The following PDZD9 variants were observed in gnomAD, a reference collection of about 807,000 sequenced individuals.
The protein encoded by PDZD9 is PDZ domain containing 9.
A neutral mutation model predicts 16.3 loss-of-function variants in PDZD9; 13 were observed. The observed-to-expected ratio is 0.80, with a 90% CI of 0.52 to 1.27. PDZD9 has a LOEUF of 1.27. PDZD9 is among the 50% of genes most tolerant of loss of function. The pLI is 0.00. For missense variants in PDZD9, 288 were observed against 310.9 expected (o/e 0.93, Z 0.55); for synonymous variants, 120 against 111.0 (o/e 1.08, Z -0.51).
the PDZD9 span, chr16:21,962,488 T>C: frequency 3.4e-5 from 55 of 1,614,068 alleles, no homozygotes; most frequent in Admixed American, 7.0e-4. Context: ...AAACATGGCT[T>C]ATACTGTGGA....
At chr16:21,964,724 T>C in the PDZD9 span, among the ~76,000 whole-genome samples, 4 of 152,240 alleles carry the variant, frequency 2.6e-5, no homozygotes, top group African/African-American at 9.6e-5. Flanking sequence ...TACTGCACTT[T>C]TGACACACTG....
At chr16:21,965,069 A>T in the PDZD9 span, among the ~76,000 whole-genome samples, 2 of 152,126 alleles carry the variant, frequency 1.3e-5, no homozygotes, top group Non-Finnish European at 2.9e-5. Context: ...TCACATGGCA[A>T]GATGGCGGCA....
chr16:21,961,626 TTATATATATA>T, the PDZD9 span, among the ~76,000 whole-genome samples: 1,310 of 64,414 alleles, frequency 0.02, 53 homozygotes, highest in South Asian at 0.031. Flanking sequence ...AACATAAAAT[TTATATATATA>T]TATATATATA....
At chr16:21,991,949 G>GT (rs1297403260) in intron 2 of PDZD9, among the ~76,000 whole-genome samples, 3 of 152,156 alleles carry the variant, frequency 2.0e-5, no homozygotes, top group Non-Finnish European at 4.4e-5. Flanking sequence ...GCACACATCG[G>GT]TTCAAATCCC....
chr16:21,969,874 GT>G, the PDZD9 span, among the ~76,000 whole-genome samples: 12 of 143,646 alleles, frequency 8.4e-5, no homozygotes, highest in Admixed American at 7.0e-5. Context: ...CTTTGTTTTT[GT>G]TTTTTTTTTT....
intron 1 of PDZD9, among the ~76,000 whole-genome samples, chr16:21,998,129 C>T (rs573354038): frequency 1.3e-5 from 2 of 152,194 alleles, no homozygotes; most frequent in Admixed American, 6.5e-5. Flanking sequence ...GGGCAGGATA[C>T]GCCCTGCCTG....
At chr16:21,979,863 T>C (rs1445151783), downstream of PDZD9, among the ~76,000 whole-genome samples, 1 of 152,222 alleles carries the variant, frequency 6.6e-6, no homozygotes, top group African/African-American at 2.4e-5. Context: ...TGGTCCATCA[T>C]TGACCAAAAA....
At chr16:21,971,867 A>G in the PDZD9 span, 4 of 1,605,982 alleles carry the variant, frequency 2.5e-6, no homozygotes, top group African/African-American at 5.3e-5. Context: ...CTGGAGAATG[A>G]AACCAATGGT....
At chr16:21,964,617 T>G in the PDZD9 span, among the ~76,000 whole-genome samples, 1 of 152,140 alleles carries the variant, frequency 6.6e-6, no homozygotes, top group African/African-American at 2.4e-5. Context: ...TCCCAAATGA[T>G]TTCCCCTGGG....
the PDZD9 span, chr16:21,968,595 A>G: frequency 7.0e-6 from 11 of 1,566,340 alleles, no homozygotes; most frequent in South Asian, 8.2e-5. Flanking sequence ...ATTTATGCTA[A>G]TATAACCTAA....
the PDZD9 span, among the ~76,000 whole-genome samples, chr16:21,964,637 C>T: frequency 3.3e-5 from 5 of 152,196 alleles, no homozygotes; most frequent in African/African-American, 1.2e-4. Context: ...GAAACACCAG[C>T]TCATTCTGTA....
the PDZD9 span, chr16:21,974,073 A>C: frequency 9.1e-7 from 1 of 1,104,480 alleles, no homozygotes; most frequent in Admixed American, 2.3e-5. Context: ...GTTTGAATGC[A>C]GTGCAATGAC....
chr16:21,991,922 AGGTATGG>A, intron 2 of PDZD9, among the ~76,000 whole-genome samples: 1 of 152,334 alleles, frequency 6.6e-6, no homozygotes, highest in East Asian at 1.9e-4. Flanking sequence ...TTGACTAGAA[AGGTATGG>A]GCTTTCTAGG....
the PDZD9 span, chr16:21,961,336 G>C: frequency 9.8e-5 from 44 of 446,904 alleles, no homozygotes; most frequent in Middle Eastern, 6.5e-4. Flanking sequence ...AGGGAAATGG[G>C]TAAAGTATGA....
At chr16:21,960,397 G>C in the PDZD9 span, among the ~76,000 whole-genome samples, 1 of 152,332 alleles carries the variant, frequency 6.6e-6, no homozygotes, top group South Asian at 2.1e-4. Flanking sequence ...TAATTGAAGA[G>C]AGTTAGGGCA....
At chr16:21,967,028 G>T in the PDZD9 span, among the ~76,000 whole-genome samples, 2 of 152,048 alleles carry the variant, frequency 1.3e-5, no homozygotes, top group African/African-American at 4.8e-5. Context: ...TTAATAAAAG[G>T]TATGTATGTA....
chr16:21,959,764 A>C, the PDZD9 span: 1 of 152,250 alleles, frequency 6.6e-6, no homozygotes. Flanking sequence ...CTTGAAAATA[A>C]AAATTACTCC....
the PDZD9 span, chr16:21,968,524 A>C: frequency 1.7e-5 from 16 of 925,176 alleles, no homozygotes; most frequent in Non-Finnish European, 2.2e-5. Context: ...AGCAACTTAT[A>C]AGGCCTTATA....
chr16:21,980,625 A>G, downstream of PDZD9: 2 of 1,614,198 alleles, frequency 1.2e-6, no homozygotes, highest in Non-Finnish European at 1.7e-6. Flanking sequence ...CCCAGGCTCT[A>G]GTTGCTGGTT....
Sources: allele counts gnomAD v4.1 joint callset (sites outside exome capture counted in the v4.1 genomes callset), GRCh38; gene constraint gnomAD v4.1.1; transcripts MANE v1.5; gene names NCBI Gene and HGNC (gene_info 2026-07-23, HGNC 2026-07-21).